NFKB1: variants seen among roughly 807,000 people sequenced by gnomAD.
NFKB1 encodes nuclear factor NF-kappa-B p105 subunit.
In NFKB1, 9 loss-of-function variants were observed where a neutral mutation model predicts 105.1. The ratio of observed to expected loss-of-function variants is 0.09; its 90% CI spans 0.05 to 0.15. NFKB1 has a LOEUF of 0.15. NFKB1 is among the 10% of genes least tolerant of loss of function. The pLI, the probability that NFKB1 is intolerant of heterozygous loss-of-function variation, is 1.00. For missense variants in NFKB1, 830 were observed against 1,203.7 expected (o/e 0.69, Z 4.59); for synonymous variants, 440 against 442.2 (o/e 1.00, Z 0.06).
chr4:102,560,876 T>C (rs1283288345), intron 5 of NFKB1, among the ~76,000 whole-genome samples: 2 of 152,202 alleles, frequency 1.3e-5, no homozygotes, highest in African/African-American at 4.8e-5. Context: ...GTACCTACCA[T>C]GTACCAGGGA....
chr4:102,541,598 T>A (rs1742002730), intron 5 of NFKB1, among the ~76,000 whole-genome samples: 1 of 152,184 alleles, frequency 6.6e-6, no homozygotes, highest in Non-Finnish European at 1.5e-5. Flanking sequence ...AGGTCCACTG[T>A]GTGTGAACAA....
chr4:102,571,111 G>A (rs1043670704), intron 6 of NFKB1, among the ~76,000 whole-genome samples: 1 of 152,154 alleles, frequency 6.6e-6, no homozygotes. Flanking sequence ...AACCAAAACA[G>A]CATGGTACTG....
intron 15 of NFKB1, among the ~76,000 whole-genome samples, chr4:102,600,644 T>C (rs1317269559): frequency 6.6e-6 from 1 of 152,162 alleles, no homozygotes; most frequent in African/African-American, 2.4e-5. Context: ...GGTCAAGACC[T>C]GAATGCTCCC....
intron 1 of NFKB1, among the ~76,000 whole-genome samples, chr4:102,521,543 C>T (rs552535069): frequency 5.3e-5 from 8 of 152,154 alleles, no homozygotes; most frequent in South Asian, 2.1e-4. Context: ...TTAATGAGTT[C>T]GAAAAGGTTT....
chr4:102,531,483 G>C (rs1390487105), intron 3 of NFKB1, among the ~76,000 whole-genome samples: 1 of 152,050 alleles, frequency 6.6e-6, no homozygotes, highest in Non-Finnish European at 1.5e-5. Flanking sequence ...ATATTAACTT[G>C]TAACTCTAAA....
chr4:102,583,518 C>T (rs1215872973), intron 10 of NFKB1, among the ~76,000 whole-genome samples: 1 of 152,028 alleles, frequency 6.6e-6, no homozygotes, highest in Non-Finnish European at 1.5e-5. Flanking sequence ...AGACAGTGCC[C>T]CACAGGTCCT....
chr4:102,559,796 A>G (rs1464915224), intron 5 of NFKB1, among the ~76,000 whole-genome samples: 1 of 151,592 alleles, frequency 6.6e-6, no homozygotes, highest in Non-Finnish European at 1.5e-5. Flanking sequence ...AAAATTAACC[A>G]GGTGTGGTGG....
intron 5 of NFKB1, among the ~76,000 whole-genome samples, chr4:102,561,696 C>T (rs1396045418): frequency 1.1e-4 from 16 of 152,164 alleles, no homozygotes; most frequent in Admixed American, 8.5e-4. Context: ...TACTGAGCCT[C>T]AGTTCCTCCA....
chr4:102,579,267 A>G (rs1725123007), intron 8 of NFKB1, among the ~76,000 whole-genome samples: 1 of 152,142 alleles, frequency 6.6e-6, no homozygotes, highest in African/African-American at 2.4e-5. Context: ...CCTTTGATGT[A>G]CATTTTTTAG....
intron 16 of NFKB1, among the ~76,000 whole-genome samples, chr4:102,605,494 T>C (rs551450301): frequency 6.6e-6 from 1 of 152,190 alleles, no homozygotes; most frequent in Non-Finnish European, 1.5e-5. Context: ...ATAGTTAGGC[T>C]CCTGTGAAAT....
intron 5 of NFKB1, among the ~76,000 whole-genome samples, chr4:102,560,396 C>A (rs1723325230): frequency 6.6e-6 from 1 of 152,192 alleles, no homozygotes. Flanking sequence ...TTCATCGTCT[C>A]TGTGTAATTC....
intron 15 of NFKB1, 63 bp from the exon 16 acceptor site, chr4:102,600,832 T>C (rs1304459298): frequency 2.1e-6 from 2 of 969,246 alleles, no homozygotes; most frequent in Admixed American, 3.5e-5. Flanking sequence ...TAATCACATC[T>C]TGGGAATCTT....
chr4:102,533,993 G>A, intron 4 of NFKB1, 108 bp downstream of exon 4: 1 of 934,192 alleles, frequency 1.1e-6, no homozygotes, highest in Non-Finnish European at 1.6e-6. Flanking sequence ...TAGTTTATCT[G>A]AAAGATCAAC....
chr4:102,561,727 C>G (rs1394576596), intron 5 of NFKB1, among the ~76,000 whole-genome samples: 1 of 152,174 alleles, frequency 6.6e-6, no homozygotes, highest in Non-Finnish European at 1.5e-5. Flanking sequence ...GGGGTACAAC[C>G]TCTGACCCCA....
chr4:102,580,249 C>T (rs1161680620), intron 8 of NFKB1, among the ~76,000 whole-genome samples: 1 of 152,172 alleles, frequency 6.6e-6, no homozygotes, highest in Non-Finnish European at 1.5e-5. Flanking sequence ...CTTCCCAATA[C>T]ATCAGAAAAG....
chr4:102,566,502 C>A (rs985442153), intron 5 of NFKB1, among the ~76,000 whole-genome samples: 14 of 152,200 alleles, frequency 9.2e-5, no homozygotes, highest in Admixed American at 2.0e-4. Context: ...TGGCAAGATT[C>A]TCCTGTCTAA....
chr4:102,560,909 C>T (rs1459187700), intron 5 of NFKB1, among the ~76,000 whole-genome samples: 1 of 152,064 alleles, frequency 6.6e-6, no homozygotes, highest in African/African-American at 2.4e-5. Flanking sequence ...CACGGCAGCC[C>T]TCTGAAGTCA....
intron 4 of NFKB1, among the ~76,000 whole-genome samples, chr4:102,534,398 G>T (rs530800980): frequency 6.6e-6 from 1 of 152,134 alleles, no homozygotes; most frequent in South Asian, 2.1e-4. Flanking sequence ...ATGTTAGAAT[G>T]AACTATTGAA....
intron 5 of NFKB1, among the ~76,000 whole-genome samples, chr4:102,561,481 A>G (rs1723440842): frequency 6.6e-6 from 1 of 152,156 alleles, no homozygotes; most frequent in Non-Finnish European, 1.5e-5. Context: ...GTGTTTAGGA[A>G]TAACTGTCAT....
Sources: allele counts gnomAD v4.1 joint callset (sites outside exome capture counted in the v4.1 genomes callset), GRCh38; gene constraint gnomAD v4.1.1; transcripts MANE v1.5; gene names NCBI Gene and HGNC (gene_info 2026-07-23, HGNC 2026-07-21).